Variants in HS2ST1 observed in about 807,000 individuals in gnomAD.
HS2ST1 encodes heparan sulfate 2-O-sulfotransferase 1.
In HS2ST1, 18 loss-of-function variants were observed where a neutral mutation model predicts 42.9. The ratio of observed to expected loss-of-function variants is 0.42; its 90% CI spans 0.29 to 0.62. The LOEUF (loss-of-function observed/expected upper bound fraction) is 0.62. HS2ST1 is among the 20% of genes least tolerant of loss of function. HS2ST1 has a pLI of 0.21. For missense variants in HS2ST1, 334 were observed against 433.8 expected, an observed-to-expected ratio of 0.77 and a Z score of 2.04; for synonymous variants, 146 against 152.9, an observed-to-expected ratio of 0.95 and a Z score of 0.33.
chr1:86,930,294 G>T (rs752939177), intron 1 of HS2ST1, among the ~76,000 whole-genome samples: 125 of 151,822 alleles, frequency 8.2e-4, no homozygotes, highest in Non-Finnish European at 1.2e-3. Context: ...AAAACATTTT[G>T]AAAGAAATGC....
intron 1 of HS2ST1, among the ~76,000 whole-genome samples, chr1:86,981,832 G>A (rs572516508): frequency 6.6e-6 from 1 of 152,340 alleles, no homozygotes; most frequent in Non-Finnish European, 1.5e-5. Flanking sequence ...GAGGACGGTG[G>A]CCCTTTTCTC....
chr1:86,974,738 A>G (rs72722290), intron 1 of HS2ST1, among the ~76,000 whole-genome samples: 37,487 of 152,022 alleles, frequency 0.25, 5,556 homozygotes, highest in East Asian at 0.42. Context: ...TGGTATGGAA[A>G]ACCCACACAT....
intron 1 of HS2ST1, among the ~76,000 whole-genome samples, chr1:86,943,729 GA>G (rs35154026): frequency 1.2e-4 from 17 of 146,870 alleles, no homozygotes; most frequent in Admixed American, 2.7e-4. Flanking sequence ...AAAAAAAAAA[GA>G]AAAAAAAAAT....
chr1:86,979,713 C>G (rs1191876463), intron 1 of HS2ST1, among the ~76,000 whole-genome samples: 1 of 152,206 alleles, frequency 6.6e-6, no homozygotes, highest in African/African-American at 2.4e-5. Context: ...CTTCTTTTGA[C>G]TGTAGACCCA....
At chr1:86,915,321 A>G (rs1660122330) in intron 1 of HS2ST1, among the ~76,000 whole-genome samples, 161 bp downstream of exon 1, 1 of 152,204 alleles carries the variant, frequency 6.6e-6, no homozygotes, top group Non-Finnish European at 1.5e-5. Context: ...ACGAGCTCCA[A>G]GAATGGGTTG....
intron 1 of HS2ST1, among the ~76,000 whole-genome samples, chr1:87,040,915 T>A (rs72955528): frequency 0.024 from 3,587 of 152,102 alleles, 73 homozygotes; most frequent in African/African-American, 0.049. Context: ...TTGGTGTTAC[T>A]GAAGGAAAAA....
intron 1 of HS2ST1, among the ~76,000 whole-genome samples, chr1:87,033,119 T>C (rs140742080): frequency 0.016 from 2,503 of 152,328 alleles, 42 homozygotes; most frequent in Non-Finnish European, 0.021. Context: ...TGAATTGTTA[T>C]GGATATTTTC....
chr1:87,102,880 A>G (rs1652249536), intron 5 of HS2ST1, among the ~76,000 whole-genome samples: 1 of 152,214 alleles, frequency 6.6e-6, no homozygotes, highest in African/African-American at 2.4e-5. Flanking sequence ...AAAGAACCCA[A>G]AAGTATAGTT....
intron 1 of HS2ST1, among the ~76,000 whole-genome samples, chr1:86,952,029 A>G (rs1029387468): frequency 1.3e-5 from 2 of 152,188 alleles, no homozygotes; most frequent in Non-Finnish European, 2.9e-5. Flanking sequence ...GACTTCCTCC[A>G]TTGGAGTCTT....
chr1:87,017,410 T>C, intron 1 of HS2ST1, among the ~76,000 whole-genome samples: 1 of 152,208 alleles, frequency 6.6e-6, no homozygotes, highest in East Asian at 1.9e-4. Context: ...GTGCTGGGAT[T>C]ACAGGCATAA....
At chr1:86,958,915 A>G (rs1647747345) in intron 1 of HS2ST1, among the ~76,000 whole-genome samples, 1 of 152,238 alleles carries the variant, frequency 6.6e-6, no homozygotes, top group African/African-American at 2.4e-5. Flanking sequence ...TATTCCAGGT[A>G]TGCAAGGCTG....
chr1:86,993,081 C>T (rs910964807), intron 1 of HS2ST1: 1 of 1,595,890 alleles, frequency 6.3e-7, no homozygotes, highest in African/African-American at 1.3e-5. Context: ...CTTTCCTGTA[C>T]ATGCTGTTTA....
At chr1:87,088,612 A>G (rs965879419) in intron 3 of HS2ST1, among the ~76,000 whole-genome samples, 1 of 152,072 alleles carries the variant, frequency 6.6e-6, no homozygotes, top group Non-Finnish European at 1.5e-5. Context: ...TGGTAACTCA[A>G]TAAGAAACTG....
At chr1:86,966,330 A>G (rs1298508192) in intron 1 of HS2ST1, among the ~76,000 whole-genome samples, 1 of 151,980 alleles carries the variant, frequency 6.6e-6, no homozygotes, top group African/African-American at 2.4e-5. Context: ...CTGTGTTTCT[A>G]CCTTTCCTCC....
chr1:86,954,848 A>G (rs1406577696), intron 1 of HS2ST1, among the ~76,000 whole-genome samples: 1 of 152,194 alleles, frequency 6.6e-6, no homozygotes. Flanking sequence ...ACATTAGAGT[A>G]CATATGCTAT....
chr1:86,931,656 T>G (rs1203233302), intron 1 of HS2ST1, among the ~76,000 whole-genome samples: 13 of 152,108 alleles, frequency 8.5e-5, no homozygotes, highest in Admixed American at 8.5e-4. Flanking sequence ...ATGATAAAGC[T>G]TTTCTTACTA....
chr1:86,954,517 T>A (rs1034963732), intron 1 of HS2ST1, among the ~76,000 whole-genome samples: 1 of 152,224 alleles, frequency 6.6e-6, no homozygotes, highest in East Asian at 1.9e-4. Context: ...CTTACCAAAT[T>A]GTTTAATTAT....
intron 1 of HS2ST1, among the ~76,000 whole-genome samples, chr1:87,029,067 AAATCT>A (rs1296297039): frequency 6.6e-6 from 1 of 152,084 alleles, no homozygotes; most frequent in Non-Finnish European, 1.5e-5. Flanking sequence ...AAATATTAGC[AAATCT>A]AATCCAGCAG....
At chr1:87,045,778 C>G (rs1300634506) in intron 1 of HS2ST1, 1 of 910,698 alleles carries the variant, frequency 1.1e-6, no homozygotes, top group African/African-American at 1.6e-5. Flanking sequence ...AGGTTTGTAG[C>G]AGAGGTAACA....
Sources: gnomAD v4.1 joint callset for allele counts (sites outside exome capture counted in the v4.1 genomes callset) on GRCh38, gnomAD v4.1.1 for gene constraint, MANE v1.5 for transcripts, NCBI Gene and HGNC (gene_info 2026-07-23, HGNC 2026-07-21) for gene names.